Variants in MALRD1 observed in about 807,000 individuals in gnomAD.
MALRD1 encodes MAM and LDL-receptor class A domain-containing protein 1.
A neutral mutation model predicts 242.1 loss-of-function variants in MALRD1; 247 were observed. That is an observed-to-expected ratio of 1.02 (90% CI 0.92 to 1.13). MALRD1 has a LOEUF of 1.13. Among genes scored for constraint, MALRD1 ranks in the 50% most tolerant of loss-of-function variants. The pLI is 0.00. For synonymous variants in MALRD1, 995 were observed against 866.6 expected (o/e 1.15, Z -2.60); for missense variants, 2,989 against 2,533.1 (o/e 1.18, Z -3.86).
chr10:19,067,982 A>G (rs1233387334), intron 2 of MALRD1, among the ~76,000 whole-genome samples: 1 of 152,144 alleles, frequency 6.6e-6, no homozygotes, highest in Admixed American at 6.6e-5. Context: ...AAAAGGGTCC[A>G]GCTTCACAAA....
intron 28 of MALRD1, among the ~76,000 whole-genome samples, chr10:19,405,745 C>G (rs1220398695): frequency 6.6e-6 from 1 of 152,134 alleles, no homozygotes; most frequent in African/African-American, 2.4e-5. Flanking sequence ...TAGACTCATT[C>G]CTTTGAATCT....
chr10:19,088,832 C>G (rs1303626775), intron 4 of MALRD1, among the ~76,000 whole-genome samples: 228 of 50,120 alleles, frequency 4.5e-3, no homozygotes, highest in African/African-American at 0.019. Context: ...TGAGAATATG[C>G]GGTGTTTGGT....
intron 31 of MALRD1, among the ~76,000 whole-genome samples, chr10:19,527,644 T>C (rs1834165241): frequency 6.6e-6 from 1 of 152,190 alleles, no homozygotes; most frequent in African/African-American, 2.4e-5. Context: ...AACTGAACTA[T>C]AAAATAGAAA....
chr10:19,121,943 C>T (rs559290412), intron 5 of MALRD1, among the ~76,000 whole-genome samples: 5 of 152,248 alleles, frequency 3.3e-5, no homozygotes, highest in African/African-American at 1.2e-4. Context: ...TGAGGGTCAC[C>T]CTGATGCCAA....
chr10:19,048,013 G>A (rs569591686), upstream of MALRD1, among the ~76,000 whole-genome samples: 7 of 152,118 alleles, frequency 4.6e-5, 1 homozygote, highest in South Asian at 4.2e-4. Flanking sequence ...TAATATTCAC[G>A]CTCATAAGAT....
intron 25 of MALRD1, among the ~76,000 whole-genome samples, chr10:19,350,132 T>C (rs1357171883): frequency 6.6e-6 from 1 of 152,128 alleles, no homozygotes; most frequent in Non-Finnish European, 1.5e-5. Flanking sequence ...GAGAATCACC[T>C]CTGCCCCTTC....
At chr10:19,195,101 C>T (rs1313445600) in intron 14 of MALRD1, among the ~76,000 whole-genome samples, 2 of 152,206 alleles carry the variant, frequency 1.3e-5, no homozygotes, top group African/African-American at 4.8e-5. Flanking sequence ...ACCCCACTGC[C>T]TGTTAGCCAA....
chr10:19,449,153 C>A (rs550179062), intron 28 of MALRD1, among the ~76,000 whole-genome samples: 1 of 152,090 alleles, frequency 6.6e-6, no homozygotes, highest in African/African-American at 2.4e-5. Flanking sequence ...CTGAGTAGGG[C>A]AATTTGTTTT....
Position 19,718,122 on chromosome 10 carries a change from A to AGAGGAAGAAGAG in MALRD1, c.6315-12582_6315-12581insGGAAGAAGAGGA, listed in dbSNP as rs1224734766. Among the ~76,000 whole-genome samples the AGAGGAAGAAGAG allele has an allele frequency of 1.5e-3, 231 of 150,500 alleles. 1 individual carries two copies. The highest frequency in any genetic ancestry group is 5.3e-3 in the African/African-American group (219 of 41,000). On this transcript the variant is annotated intron_variant, in intron 38 of 39. Coordinates refer to ENST00000454679, the MANE Select transcript of MALRD1 (RefSeq NM_001142308.3). ...AAGAGGAAGAGGAAGAAGAAGAAGA[A>AGAGGAAGAAGAG]GAAGAGGAAGAAGAGGAAGAGGAAG...
At chr10:19,423,140 G>T (rs899787030) in intron 28 of MALRD1, among the ~76,000 whole-genome samples, 1 of 152,112 alleles carries the variant, frequency 6.6e-6, no homozygotes, top group Non-Finnish European at 1.5e-5. Flanking sequence ...AGCAATGGCT[G>T]TTTGAGGATC....
intron 26 of MALRD1, among the ~76,000 whole-genome samples, chr10:19,359,894 T>C (rs1278079373): frequency 6.6e-6 from 1 of 152,104 alleles, no homozygotes; most frequent in Admixed American, 6.6e-5. Context: ...ATCACACGGA[T>C]AGACATCACT....
chr10:19,265,173 A>G (rs1184225142), intron 19 of MALRD1, among the ~76,000 whole-genome samples: 1 of 151,942 alleles, frequency 6.6e-6, no homozygotes, highest in African/African-American at 2.4e-5. Flanking sequence ...TCAAAAAATT[A>G]ATTTTGAGTT....
chr10:19,610,037 A>G (rs1001661563), intron 35 of MALRD1, among the ~76,000 whole-genome samples: 1 of 151,984 alleles, frequency 6.6e-6, no homozygotes, highest in Non-Finnish European at 1.5e-5. Context: ...AACACTTCTC[A>G]GGCAAGTACT....
chr10:19,436,273 T>C (rs1834348111), intron 28 of MALRD1, among the ~76,000 whole-genome samples: 1 of 152,182 alleles, frequency 6.6e-6, no homozygotes, highest in South Asian at 2.1e-4. Flanking sequence ...TGAGTCTATG[T>C]AGAGATCCGT....
chr10:19,635,909 T>G (rs1305819207), intron 36 of MALRD1, among the ~76,000 whole-genome samples: 1 of 150,618 alleles, frequency 6.6e-6, no homozygotes, highest in Admixed American at 6.6e-5. Flanking sequence ...TATTGTTAAT[T>G]TTTTTTTTTG....
chr10:19,547,820 T>TATATATATATATA (rs1564431955), intron 32 of MALRD1, among the ~76,000 whole-genome samples: 14 of 15,808 alleles, frequency 8.9e-4, no homozygotes, highest in Non-Finnish European at 1.5e-3. Context: ...ATATATATAT[T>TATATATATATATA]TTTTTTTTTT....
At chr10:19,161,767 G>T (rs1344000078) in intron 12 of MALRD1, among the ~76,000 whole-genome samples, 1 of 151,974 alleles carries the variant, frequency 6.6e-6, no homozygotes, top group Non-Finnish European at 1.5e-5. Context: ...CAGTGGCTCT[G>T]GCCTGTAATC....
intron 30 of MALRD1, chr10:19,493,109 T>C (rs1837561722): frequency 6.6e-6 from 1 of 152,154 alleles, no homozygotes. Flanking sequence ...CCTCTAGAAC[T>C]ATTTTCATCC....
chr10:19,553,377 G>C, intron 32 of MALRD1, among the ~76,000 whole-genome samples: 1 of 151,810 alleles, frequency 6.6e-6, no homozygotes, highest in East Asian at 1.9e-4. Flanking sequence ...TTTAAGTCAA[G>C]ACATTTGGTT....
Sources: allele counts gnomAD v4.1 joint callset (sites outside exome capture counted in the v4.1 genomes callset), GRCh38; gene constraint gnomAD v4.1.1; transcripts MANE v1.5; gene names NCBI Gene and HGNC (gene_info 2026-07-23, HGNC 2026-07-21).